The following RTP2 variants were observed in gnomAD, a reference collection of about 807,000 sequenced individuals.
RTP2 encodes the protein receptor-transporting protein 2.
RTP2 carries 12 observed loss-of-function variants against 17.9 expected under a neutral mutation model. The observed-to-expected ratio is 0.67, with a 90% CI of 0.43 to 1.09. RTP2 has a LOEUF of 1.09. Ranked by LOEUF, RTP2 falls within the 50% of genes least tolerant of loss-of-function variation. The probability of loss-of-function intolerance (pLI) is 0.00; values close to 1 mark genes in which losing one functional copy is unlikely to be tolerated. For missense variants in RTP2, 327 were observed against 295.7 expected, an observed-to-expected ratio of 1.11 and a Z score of -0.78; for synonymous variants, 126 against 117.7, an observed-to-expected ratio of 1.07 and a Z score of -0.46.
At chr3:187,698,481 A>T in exon 2 of RTP2, 1 of 1,583,730 alleles carries the variant, frequency 6.3e-7, no homozygotes, top group Non-Finnish European at 8.6e-7. Flanking sequence ...GCCCTCTCCC[A>T]CCCTTAACCA....
At chr3:187,714,677 T>G in the RTP2 span, among the ~76,000 whole-genome samples, 1 of 152,300 alleles carries the variant, frequency 6.6e-6, no homozygotes, top group Middle Eastern at 3.4e-3. Flanking sequence ...CTCACTCCTT[T>G]GCTCCGTCAC....
At chr3:187,710,523 G>T in the RTP2 span, among the ~76,000 whole-genome samples, 1 of 148,708 alleles carries the variant, frequency 6.7e-6, no homozygotes, top group Non-Finnish European at 1.5e-5. Context: ...ATATATTTAG[G>T]TGTGTGTATA....
chr3:187,711,899 TA>T, the RTP2 span, among the ~76,000 whole-genome samples: 31 of 152,348 alleles, frequency 2.0e-4, no homozygotes, highest in South Asian at 6.2e-4. Flanking sequence ...TTTTTCTACT[TA>T]TATATTCCAT....
chr3:187,707,926 A>G, the RTP2 span, among the ~76,000 whole-genome samples: 2 of 152,166 alleles, frequency 1.3e-5, no homozygotes, highest in Non-Finnish European at 2.9e-5. Flanking sequence ...AGTGTTCTCT[A>G]GGGAGAACAC....
At chr3:187,715,140 C>T in the RTP2 span, among the ~76,000 whole-genome samples, 2 of 152,174 alleles carry the variant, frequency 1.3e-5, no homozygotes, top group Admixed American at 6.5e-5. Flanking sequence ...TACTCTGAAT[C>T]CCTCGCCATG....
chr3:187,698,798 G>T, exon 2 of RTP2: 19 of 1,613,510 alleles, frequency 1.2e-5, no homozygotes, highest in Non-Finnish European at 1.6e-5. Context: ...AGCACTGCTC[G>T]CGCAGGCTGG....
chr3:187,715,590 A>G, the RTP2 span: 1 of 454,746 alleles, frequency 2.2e-6, no homozygotes, highest in East Asian at 7.0e-5. Flanking sequence ...TTCTTTGCTT[A>G]ATGTCACTTG....
At chr3:187,703,467 C>A (rs1236758280), upstream of RTP2, among the ~76,000 whole-genome samples, 1 of 152,194 alleles carries the variant, frequency 6.6e-6, no homozygotes, top group African/African-American at 2.4e-5. Context: ...TGTCTTTGAA[C>A]CATTGACTGA....
the RTP2 span, among the ~76,000 whole-genome samples, chr3:187,710,765 A>G: frequency 2.0e-5 from 3 of 152,080 alleles, no homozygotes; most frequent in South Asian, 6.2e-4. Context: ...CTTTGCAAAC[A>G]TTTCTGGGTT....
chr3:187,710,860 G>C, the RTP2 span, among the ~76,000 whole-genome samples: 1 of 152,130 alleles, frequency 6.6e-6, no homozygotes, highest in Non-Finnish European at 1.5e-5. Flanking sequence ...GCTCTTTATG[G>C]GGAGTCAGGA....
At chr3:187,704,264 A>G (rs920520222), upstream of RTP2, among the ~76,000 whole-genome samples, 1 of 152,226 alleles carries the variant, frequency 6.6e-6, no homozygotes, top group African/African-American at 2.4e-5. Flanking sequence ...AATGCAAGTT[A>G]ATGAAGAGCT....
the RTP2 span, among the ~76,000 whole-genome samples, chr3:187,708,398 C>CA: frequency 6.6e-6 from 1 of 152,166 alleles, no homozygotes; most frequent in African/African-American, 2.4e-5. Flanking sequence ...GTTACTTAAT[C>CA]TGTGTCATGA....
At chr3:187,713,928 T>A in the RTP2 span, among the ~76,000 whole-genome samples, 2 of 152,292 alleles carry the variant, frequency 1.3e-5, no homozygotes, top group East Asian at 3.9e-4. Context: ...TTCTCCTGCC[T>A]CACAAAGATA....
At chr3:187,712,249 A>G in the RTP2 span, among the ~76,000 whole-genome samples, 2 of 152,176 alleles carry the variant, frequency 1.3e-5, no homozygotes, top group South Asian at 4.1e-4. Context: ...AGACCTTACC[A>G]TTGAGGGAAA....
chr3:187,699,291 A>C (rs1717782397), intron 1 of RTP2, among the ~76,000 whole-genome samples: 2 of 152,094 alleles, frequency 1.3e-5, no homozygotes, highest in Non-Finnish European at 2.9e-5. Context: ...GCTGCCCCCC[A>C]GCCCGATGCA....
chr3:187,703,138 C>T (rs79202531), upstream of RTP2, among the ~76,000 whole-genome samples: 275 of 152,312 alleles, frequency 1.8e-3, 1 homozygote, highest in East Asian at 6.8e-3. Flanking sequence ...AGTGAAGACA[C>T]GGTTACCTGA....
chr3:187,714,308 A>G, the RTP2 span, among the ~76,000 whole-genome samples: 1 of 151,994 alleles, frequency 6.6e-6, no homozygotes, highest in South Asian at 2.1e-4. Context: ...TACCTTTTCG[A>G]GAAGAGCTGG....
At chr3:187,704,798 C>G (rs1438249941), upstream of RTP2, among the ~76,000 whole-genome samples, 1 of 152,184 alleles carries the variant, frequency 6.6e-6, no homozygotes, top group Non-Finnish European at 1.5e-5. Flanking sequence ...ATGGTCCAAG[C>G]TCCCACTCTT....
At chr3:187,703,788 A>G (rs1717921293), upstream of RTP2, among the ~76,000 whole-genome samples, 1 of 152,216 alleles carries the variant, frequency 6.6e-6, no homozygotes, top group Admixed American at 6.5e-5. Context: ...CCTTGTTCCC[A>G]GAACAAATGG....
Sources: gnomAD v4.1 joint callset for allele counts (sites outside exome capture counted in the v4.1 genomes callset) on GRCh38, gnomAD v4.1.1 for gene constraint, MANE v1.5 for transcripts, NCBI Gene and HGNC (gene_info 2026-07-23, HGNC 2026-07-21) for gene names.